The following CTBS variants were observed in gnomAD, a reference collection of about 807,000 sequenced individuals.
CTBS encodes di-N-acetylchitobiase.
Under a neutral mutation model 44.3 loss-of-function variants are expected in CTBS, and 35 were observed. That is an observed-to-expected ratio of 0.79 (90% CI 0.60 to 1.05). The LOEUF is 1.05. CTBS is among the 50% of genes least tolerant of loss of function. The pLI, the probability that CTBS is intolerant of heterozygous loss-of-function variation, is 0.00. For missense variants in CTBS, 458 were observed against 475.3 expected (o/e 0.96, Z 0.34); for synonymous variants, 143 against 168.0 (o/e 0.85, Z 1.15).
At chr1:84,556,578 G>A (rs11802781) in intron 6 of CTBS, among the ~76,000 whole-genome samples, 13,628 of 151,960 alleles carry the variant, frequency 0.09, 1,202 homozygotes, top group African/African-American at 0.23. Context: ...TGGGCTTGGT[G>A]GTGCATGCCT....
Position 84,554,868 on chromosome 1 carries a change from A to G in CTBS, c.*131T>C. The G allele has an allele frequency of 2.8e-6, 2 of 725,642 alleles. No individual in the cohort carries two copies. The highest frequency in any genetic ancestry group is 4.1e-5 in the South Asian group (2 of 48,416). 45.0% of individuals were successfully genotyped at this position (725,642 alleles called of 1,614,324 possible). ...GTGTATTTTTCAAATTCAAACAATCAAAACATTTATTTATTCTTTTTTTTT... is the reference window on the plus strand; with the variant it reads ...GTGTATTTTTCAAATTCAAACAATCGAAACATTTATTTATTCTTTTTTTTT... On this transcript the variant is annotated 3_prime_UTR_variant, in exon 7 of 7. Transcript: ENST00000370630.
intron 1 of CTBS, among the ~76,000 whole-genome samples, chr1:84,572,883 T>G (rs895509270): frequency 3.3e-5 from 5 of 152,140 alleles, no homozygotes; most frequent in Admixed American, 6.5e-5. Flanking sequence ...TTCACCATGT[T>G]GGCCAGGCTG....
Position 84,552,902 on chromosome 1 carries a change from G to A in CTBS, c.*2097C>T, listed in dbSNP as rs1013641861. On this transcript the variant is annotated 3_prime_UTR_variant, in exon 7 of 7. Coordinates refer to ENST00000370630, the MANE Select transcript of CTBS (RefSeq NM_004388.3). ...CACATTTACTGTAGTAATCCAGTGG[G>A]AGTTGAAAGCACTGAAGCCAAATGA... is the stretch of plus-strand genomic sequence containing the variant. 1.6e-6 allele frequency: 1 copy of A among 613,320 alleles called. No individual in the cohort carries two copies. Among genetic ancestry groups the A allele is most frequent in the Admixed American group, 3.5e-5 (1 of 28,982 alleles). 38.0% of individuals were successfully genotyped at this position (613,320 alleles called of 1,614,324 possible). A position where few individuals can be genotyped will look rare whatever the true frequency, so the allele number is the denominator to read the frequency against.
At chr1:84,567,621 AC>A (rs985786292) in intron 3 of CTBS, among the ~76,000 whole-genome samples, 4 of 152,172 alleles carry the variant, frequency 2.6e-5, no homozygotes, top group African/African-American at 9.7e-5. Flanking sequence ...TAATTCTGTG[AC>A]CACAATTCTG....
intron 6 of CTBS, among the ~76,000 whole-genome samples, chr1:84,560,377 T>C (rs1053433389): frequency 4.6e-5 from 7 of 152,156 alleles, no homozygotes; most frequent in Admixed American, 2.6e-4. Flanking sequence ...GAACAGACAG[T>C]CCTTGCTGAG....
rs1387513226 is a variant in CTBS at position 84,563,257 on chromosome 1, T to G, written c.957A>C (p.Lys319Asn). The G allele has an allele frequency of 1.3e-6, 2 of 1,501,788 alleles. No homozygotes were observed. The highest frequency in any genetic ancestry group is 2.9e-5 in the African/African-American group (2 of 69,458). 93.0% of individuals were successfully genotyped at this position (1,501,788 alleles called of 1,614,324 possible). ...GCTCATAACTTACGAAAAGTCTTAC[T>G]TTATAGTTATAATAAGGAGCCCGCT... ...KDQRAPYYNY[K>N]DPAGHFHQVW... Residue 319 changes from lysine (K) to asparagine (N), a missense_variant and splice_region_variant, in exon 6 of 7, where the codon AAA (lysine) becomes AAC (asparagine). Lys to Asn is a moderately conservative substitution (Grantham distance 94, BLOSUM62 0). Coordinates refer to ENST00000370630, the MANE Select transcript of CTBS (RefSeq NM_004388.3).
At chr1:84,560,112 AGAAAGAAAGAAAGAAAGAAAG>A (rs1352321797) in intron 6 of CTBS, among the ~76,000 whole-genome samples, 12 of 148,534 alleles carry the variant, frequency 8.1e-5, no homozygotes, top group South Asian at 4.2e-4. Context: ...AAAGAAAGAA[AGAAAGAAAGAAAGAAAGAAAG>A]GAAAGAAAGA....
In CTBS at chr1:84,570,721, C is replaced by G; in HGVS notation, c.178-1G>C. On this transcript the variant is annotated splice_acceptor_variant, in intron 1 of 6. Coordinates refer to ENST00000370630, the MANE Select transcript of CTBS (RefSeq NM_004388.3). LOFTEE classifies it high-confidence loss of function. ...TCTGTCCAACATCAAACACAAAGAC[C>G]TGCCAGAACAAAGATGAGCACCATC... is the stretch of plus-strand genomic sequence containing the variant. 1.2e-6 allele frequency: 2 copies of G among 1,611,664 alleles called. No homozygotes were observed. The highest frequency in any genetic ancestry group is 1.7e-6 in the Non-Finnish European group (2 of 1,178,870).
At chr1:84,568,760 C>T (rs1413544265) in intron 3 of CTBS, among the ~76,000 whole-genome samples, 1 of 152,144 alleles carries the variant, frequency 6.6e-6, no homozygotes, top group Non-Finnish European at 1.5e-5. Context: ...ATAGAGTTCT[C>T]ACAAGATCTG....
chr1:84,557,095 C>T (rs1287731059), intron 6 of CTBS, among the ~76,000 whole-genome samples: 3 of 152,160 alleles, frequency 2.0e-5, no homozygotes, highest in Non-Finnish European at 4.4e-5. Context: ...ACATGTAAGA[C>T]TAATTTATGC....
rs1684329973 is a variant in CTBS, at chr1:84,553,185, T to C, written c.*1814A>G. On this transcript the variant is annotated 3_prime_UTR_variant, in exon 7 of 7. Transcript: ENST00000370630. The stretch of plus-strand genomic sequence containing the variant: ...TTAAATATGTATTTGAACAGATTTG[T>C]TTAACCATTATTCTCCTTGGCAATG... 1 of 966,230 alleles carries C rather than the reference T, an allele frequency of 1.0e-6. No homozygotes were observed. The highest frequency in any genetic ancestry group is 1.7e-5 in the South Asian group (1 of 57,276). 59.9% of individuals were successfully genotyped at this position (966,230 alleles called of 1,614,324 possible). A position where few individuals can be genotyped will look rare whatever the true frequency, so the allele number is the denominator to read the frequency against.
intron 6 of CTBS, chr1:84,556,045 T>TTTTTAAGATC (rs1314075316): frequency 2.0e-5 from 3 of 152,326 alleles, no homozygotes; most frequent in Admixed American, 6.5e-5. Flanking sequence ...TCAGAGTCTG[T>TTTTTAAGATC]TAGGTCTGCA....
rs1279873869 is a variant in CTBS, at chr1:84,554,812, C to CT, written c.*186dup. The CT allele has an allele frequency of 7.7e-6, 4 of 517,160 alleles. No homozygotes were observed. The highest frequency in any genetic ancestry group is 7.7e-5 in the African/African-American group (4 of 52,040). 32.0% of individuals were successfully genotyped at this position (517,160 alleles called of 1,614,324 possible). ...ATAGGTAAGTTGACTTGCTTCTTGC[C>CT]TTTATGTTCCTGGATACTGAGGACA... is the stretch of plus-strand genomic sequence containing the variant. On this transcript the variant is annotated 3_prime_UTR_variant, in exon 7 of 7. Coordinates refer to ENST00000370630, the MANE Select transcript of CTBS (RefSeq NM_004388.3).
chr1:84,556,202 G>A (rs1684425227), intron 6 of CTBS, among the ~76,000 whole-genome samples: 1 of 152,086 alleles, frequency 6.6e-6, no homozygotes, highest in Non-Finnish European at 1.5e-5. Context: ...CAGCACATGA[G>A]CTATTGGATA....
In CTBS at chr1:84,550,750, A is replaced by AGTAAAATTTT. The variant is rs1410170432; in HGVS notation, c.*4239_*4248dup. On this transcript the variant is annotated 3_prime_UTR_variant, in exon 7 of 7. Coordinates refer to ENST00000370630, the MANE Select transcript of CTBS (RefSeq NM_004388.3). ...ATATAATAAAGCCAAAGTAAAATTTAGTAAAATTTTACTAGGAAGAATTAA... is the reference window on the plus strand; with the variant it reads ...ATATAATAAAGCCAAAGTAAAATTTAGTAAAATTTTGTAAAATTTTACTAGGAAGAATTAA... 4.0e-5 allele frequency: 44 copies of AGTAAAATTTT among 1,092,852 alleles called. 1 individual carries two copies. In the Middle Eastern group the frequency reaches 1.6e-3, roughly 40 times the overall value. The allele number at this position is 1,092,852 out of a possible 1,614,324, so 67.7% of individuals were successfully genotyped here.
At chr1:84,568,735 A>G (rs1336398295) in intron 3 of CTBS, among the ~76,000 whole-genome samples, 1 of 152,136 alleles carries the variant, frequency 6.6e-6, no homozygotes, top group African/African-American at 2.4e-5. Context: ...TTCCCCCTCC[A>G]GTGCTGTTCT....
At chr1:84,566,183 ATT>A in intron 3 of CTBS, 171 bp from the exon 4 acceptor site, 1 of 321,814 alleles carries the variant, frequency 3.1e-6, no homozygotes, top group Non-Finnish European at 5.5e-6. Context: ...TCTAAGAAAT[ATT>A]TTTTGCTTAC....
intron 4 of CTBS, among the ~76,000 whole-genome samples, chr1:84,564,757 G>C (rs1684660166): frequency 6.6e-6 from 1 of 152,096 alleles, no homozygotes; most frequent in Non-Finnish European, 1.5e-5. Flanking sequence ...ACTTTAAATA[G>C]GTATGTGGCT....
At position 84,551,310 on chromosome 1, in the gene CTBS, T is replaced by A. The variant is rs1189101229; in HGVS notation, c.*3689A>T. On this transcript the variant is annotated 3_prime_UTR_variant, in exon 7 of 7. Coordinates refer to ENST00000370630, the MANE Select transcript of CTBS (RefSeq NM_004388.3). ...ACTGCATTCTAGAATTAGCTCTTTT[T>A]AAAAAAATTTTAAAAAGAAAAAAGA... is the stretch of plus-strand genomic sequence containing the variant. 12 of 970,662 alleles carry A rather than the reference T, an allele frequency of 1.2e-5. No homozygotes were observed. The highest frequency in any genetic ancestry group is 2.3e-4 in the East Asian group (2 of 8,752). 60.1% of individuals were successfully genotyped at this position (970,662 alleles called of 1,614,324 possible).
Sources: allele counts gnomAD v4.1 joint callset (sites outside exome capture counted in the v4.1 genomes callset), GRCh38; gene constraint gnomAD v4.1.1; transcripts MANE v1.5; gene names NCBI Gene and HGNC (gene_info 2026-07-23, HGNC 2026-07-21).